The following MAGEC3 variants were observed in gnomAD, a reference collection of about 807,000 sequenced individuals.
MAGEC3 encodes MAGE family member C3.
Under a neutral mutation model 35.3 loss-of-function variants are expected in MAGEC3, and 34 were observed. The ratio of observed to expected loss-of-function variants is 0.96; its 90% CI spans 0.73 to 1.28. MAGEC3 has a LOEUF of 1.28. Among genes scored for constraint, MAGEC3 ranks in the 50% most tolerant of loss-of-function variants. The pLI, the probability that MAGEC3 is intolerant of heterozygous loss-of-function variation, is 0.00. For missense variants in MAGEC3, 561 were observed against 483.6 expected, an observed-to-expected ratio of 1.16 and a Z score of -1.50; for synonymous variants, 202 against 185.6, an observed-to-expected ratio of 1.09 and a Z score of -0.72.
chrX:141,853,638 A>C (rs1385909991), intron 1 of MAGEC3, among the ~76,000 whole-genome samples: 1 of 111,512 alleles, frequency 9.0e-6, no homozygotes, highest in East Asian at 2.8e-4. Context: ...TTCACTATGA[A>C]GAATCGAGAG....
rs200403296 is a variant in MAGEC3 at position 141,879,371 on chromosome X, A to G, written c.455A>G (p.Tyr152Cys). The G allele has an allele frequency of 4.3e-5, 50 of 1,172,712 alleles. No individual in the cohort carries two copies. Among genetic ancestry groups the G allele is most frequent in the Non-Finnish European group, 5.5e-5 (49 of 885,575 alleles). The change falls in exon 3 of 8, where the codon TAC (tyrosine) becomes TGC (cysteine). Residue 152 changes from tyrosine (Y) to cysteine (C), a missense_variant. Physicochemically the swap from Tyr to Cys is radical, Grantham distance 194 (BLOSUM62 -2). Coordinates refer to ENST00000298296, the MANE Select transcript of MAGEC3 (RefSeq NM_138702.1). ...CCAACATGGAGGAGAGGCACAGGCT[A>G]CACCCTTTCCCTTCCTGCCGTCAGC... is the stretch of plus-strand genomic sequence containing the variant. ...DLPTWRRGTGYTLSLPAVSPG... is the reference protein window; with the variant it reads ...DLPTWRRGTGCTLSLPAVSPG...
intron 4 of MAGEC3, chrX:141,894,781 T>G (rs762810990): frequency 3.1e-6 from 3 of 963,841 alleles, no homozygotes; most frequent in South Asian, 2.0e-5. Context: ...CTGTCACCCC[T>G]GGACAAAACA....
At chrX:141,838,784 C>T (rs2017668625) in intron 1 of MAGEC3, 1 of 751,582 alleles carries the variant, frequency 1.3e-6, no homozygotes, top group Non-Finnish European at 1.6e-6. Flanking sequence ...CGCCTTCGTC[C>T]CACCTCTGCA....
In MAGEC3 at chrX:141,838,908, A is replaced by G; in HGVS notation, c.123+470A>G. On this transcript the variant is annotated intron_variant, in intron 1 of 7. Transcript: ENST00000298296. Reference sequence around the variant, plus strand: ...CTCCAGGACAGTGCTCAGTCTGTTGAGGGCAGGGCTCTAAAATGGTACTTT... The same window carrying G: ...CTCCAGGACAGTGCTCAGTCTGTTGGGGGCAGGGCTCTAAAATGGTACTTT... 7.0e-6 allele frequency: 5 copies of G among 712,551 alleles called. No homozygotes were observed. In the South Asian group the frequency reaches 3.6e-4, roughly 51 times the overall value. 58.7% of individuals were successfully genotyped at this position (712,551 alleles called of 1,213,427 possible).
intron 1 of MAGEC3, among the ~76,000 whole-genome samples, chrX:141,859,195 A>G (rs140634122): frequency 0.028 from 3,130 of 110,212 alleles, 48 homozygotes; most frequent in African/African-American, 0.057. Context: ...ATCTTTCTAT[A>G]TTAATAAGTG....
chrX:141,859,925 A>G (rs2017804922), intron 1 of MAGEC3, among the ~76,000 whole-genome samples: 1 of 112,131 alleles, frequency 8.9e-6, no homozygotes, highest in South Asian at 3.6e-4. Flanking sequence ...CAAACATGAA[A>G]AGACAAAGCT....
At chrX:141,869,755 A>G (rs914000921) in intron 2 of MAGEC3, among the ~76,000 whole-genome samples, 2 of 112,299 alleles carry the variant, frequency 1.8e-5, no homozygotes, top group Non-Finnish European at 3.8e-5. Context: ...AATTAGAAAC[A>G]CAACTGACAA....
intron 4 of MAGEC3, among the ~76,000 whole-genome samples, chrX:141,887,841 C>A (rs1256867781): frequency 8.9e-6 from 1 of 111,772 alleles, no homozygotes; most frequent in African/African-American, 3.3e-5. Flanking sequence ...GATTTTGGAG[C>A]AAGGCCCTTC....
At chrX:141,896,143 C>G (rs1246610219) in intron 6 of MAGEC3, 1 of 139,784 alleles carries the variant, frequency 7.2e-6, no homozygotes, top group East Asian at 1.8e-4. Context: ...ACTCTGCTTG[C>G]AGTCTTTAGC....
At position 141,897,305 on chromosome X, in the gene MAGEC3, T is replaced by C. The variant is rs755469522; in HGVS notation, c.1547T>C (p.Met516Thr). 24 of 1,210,298 alleles carry C rather than the reference T, an allele frequency of 2.0e-5. No individual in the cohort carries two copies. Among genetic ancestry groups the C allele is most frequent in the Admixed American group, 1.5e-4 (7 of 45,800 alleles). The change falls in exon 7 of 8, where the codon ATG (methionine) becomes ACG (threonine). Residue 516 changes from methionine (M) to threonine (T), a missense_variant. Transcript: ENST00000298296. ...ELIFGIALTD[M>T]DPDNHSYFFE... is the part of the protein sequence containing the mutation. ...ATTTTTGGCATTGCCCTGACTGATA[T>C]GGACCCCGACAACCACTCCTATTTC... is the stretch of plus-strand genomic sequence containing the variant.
At chrX:141,871,576 T>TTTAA (rs944945038) in intron 2 of MAGEC3, among the ~76,000 whole-genome samples, 100 of 111,681 alleles carry the variant, frequency 9.0e-4, no homozygotes, top group African/African-American at 3.0e-3. Context: ...GGATATCCAT[T>TTTAA]TTAATTAAGC....
intron 2 of MAGEC3, among the ~76,000 whole-genome samples, chrX:141,868,854 T>C (rs987697610): frequency 4.7e-5 from 5 of 106,411 alleles, no homozygotes; most frequent in African/African-American, 1.7e-4. Context: ...AAAATTTTTA[T>C]TTTATTTATT....
At position 141,870,497 on chromosome X, in the gene MAGEC3, T is replaced by G. The variant is rs779413244; in HGVS notation, c.258+4892T>G. On this transcript the variant is annotated intron_variant, in intron 2 of 7. Coordinates refer to ENST00000298296, the MANE Select transcript of MAGEC3 (RefSeq NM_138702.1). ...TTAGTTAATATGTTTACACAGGTTT[T>G]TTTTGCAAGATTAATTTTTACAATG... is the stretch of plus-strand genomic sequence containing the variant. Among the ~76,000 whole-genome samples the G allele has an allele frequency of 7.1e-5, 8 of 112,047 alleles. No individual in the cohort carries two copies. In the South Asian group the frequency reaches 2.9e-3, roughly 41 times the overall value.
intron 4 of MAGEC3, among the ~76,000 whole-genome samples, chrX:141,892,244 C>T (rs1040905060): frequency 8.9e-6 from 1 of 111,884 alleles, no homozygotes; most frequent in Non-Finnish European, 1.9e-5. Context: ...GATCCAAGAT[C>T]GTTCCATGAC....
chrX:141,879,311 A>C lies in MAGEC3; in HGVS notation c.395A>C (p.Asn132Thr), dbSNP rs759605156. 1.7e-6 allele frequency: 2 copies of C among 1,205,718 alleles called. No individual in the cohort carries two copies. The highest frequency in any genetic ancestry group is 3.0e-5 in the East Asian group (1 of 33,666). ...QREEPQDWPL[N>T]EKRTLWKDSD... ...GAGGAACCCCAGGACTGGCCACTCA[A>C]CGAGAAGAGAACTCTGTGGAAGGAC... Residue 132 changes from asparagine (N) to threonine (T), a missense_variant, in exon 3 of 8, where the codon AAC (asparagine) becomes ACC (threonine). Coordinates refer to ENST00000298296, the MANE Select transcript of MAGEC3 (RefSeq NM_138702.1).
chrX:141,839,543 C>T, intron 1 of MAGEC3: 1 of 754,042 alleles, frequency 1.3e-6, no homozygotes, highest in Non-Finnish European at 1.6e-6. Context: ...ACAGCTAATC[C>T]TGGGCAGGCT....
chrX:141,869,375 A>G (rs1010141104), intron 2 of MAGEC3, among the ~76,000 whole-genome samples: 1 of 112,308 alleles, frequency 8.9e-6, no homozygotes, highest in African/African-American at 3.2e-5. Flanking sequence ...AGGCAGAAAG[A>G]AACAAACAAC....
At chrX:141,861,497 A>C (rs2017814631) in intron 1 of MAGEC3, among the ~76,000 whole-genome samples, 1 of 111,931 alleles carries the variant, frequency 8.9e-6, no homozygotes, top group Non-Finnish European at 1.9e-5. Context: ...GCAAAAAGAG[A>C]AAAGCTGGAG....
chrX:141,893,307 A>G lies in MAGEC3; in HGVS notation c.910-1962A>G, dbSNP rs373674012. Reference sequence around the variant, plus strand: ...TGAAAGAAGAAAATCTTAAAAGGCTACATAATGTATGATTCCAATCATACA... The same window carrying G: ...TGAAAGAAGAAAATCTTAAAAGGCTGCATAATGTATGATTCCAATCATACA... On this transcript the variant is annotated intron_variant, in intron 4 of 7. Transcript: ENST00000298296. 1.3e-4 allele frequency among the ~76,000 whole-genome samples: 15 copies of G among 111,967 alleles called. No individual in the cohort carries two copies. The East Asian group carries it at 3.4e-3, about 25-fold the overall frequency.
Sources: allele counts gnomAD v4.1 joint callset (sites outside exome capture counted in the v4.1 genomes callset), GRCh38; gene constraint gnomAD v4.1.1; transcripts MANE v1.5; gene names NCBI Gene and HGNC (gene_info 2026-07-23, HGNC 2026-07-21).